OPCML: variants seen among roughly 807,000 people sequenced by gnomAD.
OPCML encodes the protein opioid-binding protein/cell adhesion molecule.
OPCML carries 13 observed loss-of-function variants against 37.8 expected under a neutral mutation model. The observed-to-expected ratio is 0.34, with a 90% CI of 0.22 to 0.55. The LOEUF (loss-of-function observed/expected upper bound fraction) is 0.55. Ranked by LOEUF, OPCML falls within the 20% of genes least tolerant of loss-of-function variation. The pLI, the probability that OPCML is intolerant of heterozygous loss-of-function variation, is 0.91. For synonymous variants in OPCML, 176 were observed against 168.8 expected, an observed-to-expected ratio of 1.04 and a Z score of -0.33; for missense variants, 341 against 435.6, an observed-to-expected ratio of 0.78 and a Z score of 1.93.
chr11:133,129,432 T>C (rs1278142224), intron 1 of OPCML, among the ~76,000 whole-genome samples: 1 of 152,208 alleles, frequency 6.6e-6, no homozygotes, highest in Non-Finnish European at 1.5e-5. Context: ...GGATTAGTCC[T>C]AAGTTCTGCC....
intron 1 of OPCML, among the ~76,000 whole-genome samples, chr11:133,424,846 C>A (rs755097235): frequency 5.3e-5 from 8 of 152,258 alleles, no homozygotes; most frequent in East Asian, 1.9e-4. Flanking sequence ...TAGCAATATG[C>A]CACAAATACT....
At chr11:133,270,337 A>C (rs897684196) in intron 1 of OPCML, among the ~76,000 whole-genome samples, 1 of 152,032 alleles carries the variant, frequency 6.6e-6, no homozygotes, top group African/African-American at 2.4e-5. Context: ...TCTGCTAGGG[A>C]GCTTTAAAAT....
At chr11:133,308,292 A>G (rs912603599) in intron 1 of OPCML, among the ~76,000 whole-genome samples, 1 of 152,202 alleles carries the variant, frequency 6.6e-6, no homozygotes, top group Non-Finnish European at 1.5e-5. Context: ...AGAACTGTAC[A>G]CCAACATTGT....
At chr11:132,478,126 T>C (rs900728644) in intron 4 of OPCML, among the ~76,000 whole-genome samples, 1 of 152,150 alleles carries the variant, frequency 6.6e-6, no homozygotes. Context: ...AAAATGAAGG[T>C]CAAGGCATGT....
In OPCML at chr11:133,420,300, C is replaced by A. The variant is rs1945860824; in HGVS notation, c.61+111964G>T. The A allele has an allele frequency of 1.2e-5, 12 of 985,308 alleles. No homozygotes were observed. In the South Asian group the frequency reaches 3.3e-4, roughly 27 times the overall value. The allele number at this position is 985,308 out of a possible 1,614,324, so 61.0% of individuals were successfully genotyped here. A position where few individuals can be genotyped will look rare whatever the true frequency, so the allele number is the denominator to read the frequency against. On this transcript the variant is annotated intron_variant, in intron 1 of 7. Transcript: ENST00000524381. ...TCCTGAACGTCTTTGGCACGAAGTG[C>A]AAATTAATCCTAGCCATGGAGAAGA...
chr11:133,218,467 T>C (rs1214821362), intron 1 of OPCML, among the ~76,000 whole-genome samples: 1 of 152,222 alleles, frequency 6.6e-6, no homozygotes, highest in Non-Finnish European at 1.5e-5. Flanking sequence ...TACAGGAAAG[T>C]CATATTTGGA....
At chr11:132,666,643 A>C (rs1383480761) in intron 2 of OPCML, among the ~76,000 whole-genome samples, 5 of 152,246 alleles carry the variant, frequency 3.3e-5, no homozygotes, top group Non-Finnish European at 1.5e-5. Flanking sequence ...ACAAATATCT[A>C]AAGCTGATAA....
intron 1 of OPCML, among the ~76,000 whole-genome samples, chr11:133,179,157 G>A (rs1291684547): frequency 6.6e-6 from 1 of 152,088 alleles, no homozygotes; most frequent in Non-Finnish European, 1.5e-5. Flanking sequence ...CACTGGCTTG[G>A]TAAAGTACTT....
At chr11:133,000,610 G>A (rs1946980039) in intron 1 of OPCML, among the ~76,000 whole-genome samples, 1 of 152,216 alleles carries the variant, frequency 6.6e-6, no homozygotes, top group Non-Finnish European at 1.5e-5. Context: ...CCTCCAGGAA[G>A]TGTGCAGAGA....
At chr11:133,324,118 T>C (rs2136628679) in intron 1 of OPCML, among the ~76,000 whole-genome samples, 1 of 152,312 alleles carries the variant, frequency 6.6e-6, no homozygotes, top group South Asian at 2.1e-4. Flanking sequence ...AGGGGGAAGA[T>C]TTGATTTTAA....
chr11:132,946,635 C>T lies in OPCML; in HGVS notation c.62-3625G>A, dbSNP rs138179274. 3.9e-3 allele frequency among the ~76,000 whole-genome samples: 601 copies of T among 152,242 alleles called. 3 individuals carry two copies. Among genetic ancestry groups the T allele is most frequent in the Non-Finnish European group, 5.8e-3 (392 of 68,018 alleles). Reference sequence around the variant, plus strand: ...GACAGAGCATTGTTACACAGTGATCCACTGGGTTAGGTCCTTTCCAGAAAG... The same window carrying T: ...GACAGAGCATTGTTACACAGTGATCTACTGGGTTAGGTCCTTTCCAGAAAG... On this transcript the variant is annotated intron_variant, in intron 1 of 7. Transcript: ENST00000524381.
chr11:133,265,686 G>A (rs1941636174), intron 1 of OPCML, among the ~76,000 whole-genome samples: 1 of 152,196 alleles, frequency 6.6e-6, no homozygotes, highest in Admixed American at 6.5e-5. Flanking sequence ...TCCCGTCTGG[G>A]AGTGAAGATG....
At chr11:133,145,985 A>T (rs1284963903) in intron 1 of OPCML, among the ~76,000 whole-genome samples, 2 of 152,242 alleles carry the variant, frequency 1.3e-5, no homozygotes, top group African/African-American at 4.8e-5. Flanking sequence ...CATTTCTAAC[A>T]ATGGTAGCCC....
At chr11:132,491,434 A>G (rs990112722) in intron 4 of OPCML, among the ~76,000 whole-genome samples, 1 of 152,228 alleles carries the variant, frequency 6.6e-6, no homozygotes, top group African/African-American at 2.4e-5. Context: ...TTGCTCAGAC[A>G]GTGTGGATTC....
At chr11:133,158,583 C>T (rs1950097200) in intron 1 of OPCML, among the ~76,000 whole-genome samples, 1 of 151,780 alleles carries the variant, frequency 6.6e-6, no homozygotes, top group South Asian at 2.1e-4. Context: ...GCCTGTAGTC[C>T]CAGCTACTCA....
intron 2 of OPCML, among the ~76,000 whole-genome samples, chr11:132,787,649 T>C (rs1213616476): frequency 6.6e-6 from 1 of 152,206 alleles, no homozygotes; most frequent in African/African-American, 2.4e-5. Context: ...CATTTAGAGC[T>C]GACCAGAGAA....
At chr11:132,462,610 G>C (rs1432869486) in intron 4 of OPCML, among the ~76,000 whole-genome samples, 1 of 152,194 alleles carries the variant, frequency 6.6e-6, no homozygotes, top group African/African-American at 2.4e-5. Context: ...GGCTCTTAGA[G>C]CAGGTTCCTC....
At chr11:132,878,560 C>T (rs1052315173) in intron 2 of OPCML, among the ~76,000 whole-genome samples, 2 of 152,156 alleles carry the variant, frequency 1.3e-5, no homozygotes, top group African/African-American at 4.8e-5. Flanking sequence ...GATCTTGGAA[C>T]TTCTCGGCTT....
chr11:133,362,603 G>C (rs1054323960), intron 1 of OPCML, among the ~76,000 whole-genome samples: 1 of 152,200 alleles, frequency 6.6e-6, no homozygotes, highest in Non-Finnish European at 1.5e-5. Context: ...TAAATGGAAC[G>C]GGAGACGTGG....
Sources: allele counts gnomAD v4.1 joint callset (sites outside exome capture counted in the v4.1 genomes callset), GRCh38; gene constraint gnomAD v4.1.1; transcripts MANE v1.5; gene names NCBI Gene and HGNC (gene_info 2026-07-23, HGNC 2026-07-21).